PRKACB: variants seen among roughly 807,000 people sequenced by gnomAD.
PRKACB encodes protein kinase cAMP-activated catalytic subunit beta.
In PRKACB, 16 loss-of-function variants were observed where a neutral mutation model predicts 51.4. The ratio of observed to expected loss-of-function variants is 0.31; its 90% CI spans 0.21 to 0.47. The LOEUF is 0.47. PRKACB is among the 20% of genes least tolerant of loss of function. The pLI is 1.00. For synonymous variants in PRKACB, 147 were observed against 154.4 expected (o/e 0.95, Z 0.35); for missense variants, 309 against 464.5 (o/e 0.67, Z 3.08).
At position 84,237,726 on chromosome 1, in the gene PRKACB, C is replaced by T. The variant is rs1038206392; in HGVS notation, c.*2421C>T. 6.6e-6 allele frequency: 1 copy of T among 152,070 alleles called. No individual in the cohort carries two copies. The highest frequency in any genetic ancestry group is 2.4e-5 in the African/African-American group (1 of 41,436). The allele number at this position is 152,070 out of a possible 1,614,324, so 9.4% of individuals were successfully genotyped here. ...GTAAGTAGCATAAATCAGTATTTAA[C>T]CTAAAATTACATATTTGAAACAGAA... On this transcript the variant is annotated 3_prime_UTR_variant, in exon 10 of 10. Coordinates refer to ENST00000370685, the MANE Select transcript of PRKACB (RefSeq NM_182948.4).
At chr1:84,153,086 G>C (rs1176627388) in intron 1 of PRKACB, among the ~76,000 whole-genome samples, 1 of 151,976 alleles carries the variant, frequency 6.6e-6, no homozygotes, top group Non-Finnish European at 1.5e-5. Context: ...TAGGGAATAG[G>C]AAGGCCCAAG....
chr1:84,130,175 G>A (rs1297970689), intron 1 of PRKACB, among the ~76,000 whole-genome samples: 3 of 126,906 alleles, frequency 2.4e-5, no homozygotes, highest in Non-Finnish European at 3.2e-5. Flanking sequence ...AGGCAACAGA[G>A]CGAGACTCCG....
upstream of PRKACB, among the ~76,000 whole-genome samples, chr1:84,140,202 A>G (rs1380045533): frequency 3.9e-5 from 6 of 152,250 alleles, no homozygotes. Flanking sequence ...GAGTCCAGAA[A>G]TAGACTCACA....
At chr1:84,095,633 T>C (rs1466644915) in intron 1 of PRKACB, among the ~76,000 whole-genome samples, 1 of 151,922 alleles carries the variant, frequency 6.6e-6, no homozygotes, top group East Asian at 1.9e-4. Context: ...CCCCCTACTT[T>C]CTGTTTGCAA....
intron 1 of PRKACB, chr1:84,164,413 A>C: frequency 6.3e-7 from 1 of 1,575,422 alleles, no homozygotes; most frequent in Non-Finnish European, 8.6e-7. Context: ...CAGGTTCAAC[A>C]TGGGATTGTG....
intron 1 of PRKACB, among the ~76,000 whole-genome samples, chr1:84,100,822 A>G (rs1649297022): frequency 6.6e-6 from 1 of 152,144 alleles, no homozygotes; most frequent in Admixed American, 6.6e-5. Flanking sequence ...GGGAACCATG[A>G]TTGTTCTTAT....
chr1:84,104,521 A>G (rs1326503919), intron 1 of PRKACB, among the ~76,000 whole-genome samples: 1 of 152,116 alleles, frequency 6.6e-6, no homozygotes, highest in Non-Finnish European at 1.5e-5. Context: ...GCTGGATTAT[A>G]TCTTCTATTT....
intron 1 of PRKACB, among the ~76,000 whole-genome samples, chr1:84,104,200 G>T (rs142546721): frequency 2.6e-4 from 39 of 152,132 alleles, no homozygotes; most frequent in African/African-American, 9.4e-4. Flanking sequence ...ACTTTTAAAA[G>T]CTCCCTCATA....
At chr1:84,226,481 T>C (rs1398971894) in intron 9 of PRKACB, among the ~76,000 whole-genome samples, 1 of 152,170 alleles carries the variant, frequency 6.6e-6, no homozygotes, top group Non-Finnish European at 1.5e-5. Flanking sequence ...AATTATTGCT[T>C]AAATTTATAT....
chr1:84,101,874 A>T (rs1649375660), intron 1 of PRKACB, among the ~76,000 whole-genome samples: 1 of 152,168 alleles, frequency 6.6e-6, no homozygotes, highest in Non-Finnish European at 1.5e-5. Context: ...TTTAATAAAG[A>T]TTTAGAGAAT....
At chr1:84,204,989 A>G (rs907234491) in intron 8 of PRKACB, 68 of 983,304 alleles carry the variant, frequency 6.9e-5, no homozygotes, top group Non-Finnish European at 7.7e-5. Flanking sequence ...TTCTAAAATC[A>G]TAACAGTCTA....
At chr1:84,103,932 A>C (rs866947601) in intron 1 of PRKACB, among the ~76,000 whole-genome samples, 84 of 152,334 alleles carry the variant, frequency 5.5e-4, no homozygotes, top group African/African-American at 2.0e-3. Flanking sequence ...CAGGGTAATT[A>C]GTATTTCCTT....
intron 1 of PRKACB, among the ~76,000 whole-genome samples, chr1:84,167,240 A>G (rs1222887082): frequency 6.6e-6 from 1 of 151,570 alleles, no homozygotes; most frequent in East Asian, 1.9e-4. Context: ...AAATGCAAAT[A>G]TGCCCATTTT....
intron 1 of PRKACB, among the ~76,000 whole-genome samples, chr1:84,176,903 C>T (rs1016211339): frequency 3.3e-5 from 5 of 151,516 alleles, no homozygotes; most frequent in East Asian, 1.9e-4. Context: ...TAAATAATGC[C>T]GGAAATTTTT....
intron 1 of PRKACB, among the ~76,000 whole-genome samples, chr1:84,172,679 A>T (rs1218357572): frequency 6.7e-6 from 1 of 150,008 alleles, no homozygotes; most frequent in East Asian, 1.9e-4. Context: ...TCCATATAAA[A>T]CTATAGTAAA....
At chr1:84,213,413 A>T (rs1672419900) in intron 8 of PRKACB, among the ~76,000 whole-genome samples, 1 of 152,192 alleles carries the variant, frequency 6.6e-6, no homozygotes, top group African/African-American at 2.4e-5. Context: ...ACAAAATGAA[A>T]AATAGACTTA....
chr1:84,106,240 A>G (rs1341356971), intron 1 of PRKACB, among the ~76,000 whole-genome samples: 1 of 152,112 alleles, frequency 6.6e-6, no homozygotes, highest in Non-Finnish European at 1.5e-5. Context: ...TAGTCAACAT[A>G]GTGTTGGAAG....
Position 84,235,501 on chromosome 1 carries a change from G to A in PRKACB, c.*196G>A, listed in dbSNP as rs1572630236. On this transcript the variant is annotated 3_prime_UTR_variant, in exon 10 of 10. Coordinates refer to ENST00000370685, the MANE Select transcript of PRKACB (RefSeq NM_182948.4). ...AACAAGGCACCGCTAAGCAAGCATT[G>A]TCTGTGCCATAACACAGTACTAGAC... The A allele has an allele frequency of 1.6e-6, 1 of 630,808 alleles. No homozygotes were observed. The highest frequency in any genetic ancestry group is 2.7e-6 in the Non-Finnish European group (1 of 374,858). The allele number at this position is 630,808 out of a possible 1,614,324, so 39.1% of individuals were successfully genotyped here.
intron 1 of PRKACB, among the ~76,000 whole-genome samples, chr1:84,098,491 C>T (rs944579595): frequency 4.0e-5 from 6 of 151,822 alleles, no homozygotes; most frequent in Non-Finnish European, 5.9e-5. Flanking sequence ...TGTCTCAGAG[C>T]AGTAGAAAGC....
Sources: allele counts gnomAD v4.1 joint callset (sites outside exome capture counted in the v4.1 genomes callset), GRCh38; gene constraint gnomAD v4.1.1; transcripts MANE v1.5; gene names NCBI Gene and HGNC (gene_info 2026-07-23, HGNC 2026-07-21).